COL8A1: variants seen among roughly 807,000 people sequenced by gnomAD.
The protein encoded by COL8A1 is collagen alpha-1(VIII) chain.
A neutral mutation model predicts 42.7 loss-of-function variants in COL8A1; 21 were observed. The ratio of observed to expected loss-of-function variants is 0.49; its 90% CI spans 0.35 to 0.71. The LOEUF is 0.71. Ranked by LOEUF, COL8A1 falls within the 30% of genes least tolerant of loss-of-function variation. The pLI is 0.01. For missense variants in COL8A1, 788 were observed against 962.4 expected, an observed-to-expected ratio of 0.82 and a Z score of 2.40; for synonymous variants, 367 against 369.1, an observed-to-expected ratio of 0.99 and a Z score of 0.06.
intron 1 of COL8A1, among the ~76,000 whole-genome samples, chr3:99,717,314 G>A (rs144499638): frequency 4.8e-4 from 73 of 151,974 alleles, no homozygotes; most frequent in African/African-American, 1.6e-3. Flanking sequence ...AACTAACAAA[G>A]CACCATTTTC....
At chr3:99,768,752 T>C (rs1409549688) in intron 2 of COL8A1, among the ~76,000 whole-genome samples, 1 of 152,144 alleles carries the variant, frequency 6.6e-6, no homozygotes, top group African/African-American at 2.4e-5. Flanking sequence ...CTACCGGAGG[T>C]CTTCCTCCCT....
chr3:99,721,054 G>A (rs1213960327), intron 1 of COL8A1, among the ~76,000 whole-genome samples: 1 of 151,986 alleles, frequency 6.6e-6, no homozygotes, highest in Non-Finnish European at 1.5e-5. Context: ...AGGGCTGATG[G>A]AGAGCATTCT....
Position 99,692,632 on chromosome 3 carries a change from T to C in COL8A1, c.-128-52265T>C, listed in dbSNP as rs148533534. Among the ~76,000 whole-genome samples the C allele has an allele frequency of 2.0e-4, 31 of 152,332 alleles. No homozygotes were observed. The East Asian group carries it at 6.0e-3, about 29-fold the overall frequency. On this transcript the variant is annotated intron_variant, in intron 1 of 3. Transcript: ENST00000652472. ...TGTTCTTCAATTTGCCTCAAGACTA[T>C]TCTAGGTTTTGCCTGGGAAAAAGTC... is the stretch of plus-strand genomic sequence containing the variant.
intron 1 of COL8A1, among the ~76,000 whole-genome samples, chr3:99,666,766 T>C (rs990598101): frequency 6.6e-6 from 1 of 152,208 alleles, no homozygotes; most frequent in Non-Finnish European, 1.5e-5. Context: ...CTCAAAGAAA[T>C]GCTATAGGAA....
At chr3:99,711,898 C>A (rs1403011510) in intron 1 of COL8A1, among the ~76,000 whole-genome samples, 1 of 152,046 alleles carries the variant, frequency 6.6e-6, no homozygotes, top group Non-Finnish European at 1.5e-5. Flanking sequence ...GTCTATCAAA[C>A]CAAGGCTGGT....
In COL8A1 at chr3:99,797,718, GA is replaced by G. The variant is rs1942129443; in HGVS notation, c.*1586del. Reference sequence around the variant, plus strand: ...CTGGGTGTAGGTAGTAAAAGTATAGGAAAAGAACTGTTTCCTTAGAAGCGGA... The same window carrying G: ...CTGGGTGTAGGTAGTAAAAGTATAGGAAAGAACTGTTTCCTTAGAAGCGGA... On this transcript the variant is annotated 3_prime_UTR_variant, in exon 4 of 4. Coordinates refer to ENST00000652472, the MANE Select transcript of COL8A1 (RefSeq NM_020351.4). 6.6e-6 allele frequency: 1 copy of G among 152,204 alleles called. No homozygotes were observed. The highest frequency in any genetic ancestry group is 2.1e-4 in the South Asian group (1 of 4,828). The allele number at this position is 152,204 out of a possible 1,614,324, so 9.4% of individuals were successfully genotyped here. A position where few individuals can be genotyped will look rare whatever the true frequency, so the allele number is the denominator to read the frequency against.
At chr3:99,747,731 T>G (rs1424520056) in intron 2 of COL8A1, among the ~76,000 whole-genome samples, 1 of 152,234 alleles carries the variant, frequency 6.6e-6, no homozygotes, top group Non-Finnish European at 1.5e-5. Flanking sequence ...CTGCAGAACA[T>G]TATGACTGTG....
At chr3:99,706,167 A>G (rs1402843347) in intron 1 of COL8A1, among the ~76,000 whole-genome samples, 1 of 152,110 alleles carries the variant, frequency 6.6e-6, no homozygotes, top group Non-Finnish European at 1.5e-5. Context: ...ACTCCACTAT[A>G]CACCCCACAA....
At position 99,796,954 on chromosome 3, in the gene COL8A1, T is replaced by C. The variant is rs1451520735; in HGVS notation, c.*818T>C. On this transcript the variant is annotated 3_prime_UTR_variant, in exon 4 of 4. Coordinates refer to ENST00000652472, the MANE Select transcript of COL8A1 (RefSeq NM_020351.4). ...AGAGTTTCTATTTGTTTTGATTTTC[T>C]TTTTCTGTGACTTATTTTCCTATTT... The C allele has an allele frequency of 6.6e-6, 1 of 152,206 alleles. No individual in the cohort carries two copies. The highest frequency in any genetic ancestry group is 1.5e-5 in the Non-Finnish European group (1 of 68,034). 9.4% of individuals were successfully genotyped at this position (152,206 alleles called of 1,614,324 possible).
At chr3:99,713,576 C>T (rs73860411) in intron 1 of COL8A1, among the ~76,000 whole-genome samples, 5,129 of 152,168 alleles carry the variant, frequency 0.034, 293 homozygotes, top group African/African-American at 0.11. Flanking sequence ...ATCAGTAAGA[C>T]GTTCAGTGCC....
intron 1 of COL8A1, among the ~76,000 whole-genome samples, chr3:99,697,221 C>T (rs1378653808): frequency 6.6e-6 from 1 of 151,700 alleles, no homozygotes; most frequent in Non-Finnish European, 1.5e-5. Context: ...CTCCTGACCT[C>T]GTGATCCGCC....
chr3:99,785,562 T>C (rs915620133), intron 2 of COL8A1, among the ~76,000 whole-genome samples: 18 of 152,090 alleles, frequency 1.2e-4, no homozygotes, highest in African/African-American at 3.9e-4. Context: ...ATGGGCTGAG[T>C]TGCATCCCCC....
rs572953210 is a variant in COL8A1, at chr3:99,707,929, G to A, written c.-128-36968G>A. Among the ~76,000 whole-genome samples the A allele has an allele frequency of 5.8e-3, 883 of 152,048 alleles. 7 individuals are homozygous for A. The highest frequency in any genetic ancestry group is 9.9e-3 in the Non-Finnish European group (670 of 67,994). ...TTATTATTATTATTTATTTTTTGCA[G>A]AGGCAGGGAGAGGTTAGGTGACCGC... On this transcript the variant is annotated intron_variant, in intron 1 of 3. Coordinates refer to ENST00000652472, the MANE Select transcript of COL8A1 (RefSeq NM_020351.4).
intron 2 of COL8A1, among the ~76,000 whole-genome samples, chr3:99,770,767 A>C (rs1159256100): frequency 1.3e-5 from 2 of 152,234 alleles, no homozygotes; most frequent in Non-Finnish European, 2.9e-5. Context: ...CACTGGGGAA[A>C]CAGCGCGGTG....
At chr3:99,674,142 T>C (rs924213253) in intron 1 of COL8A1, among the ~76,000 whole-genome samples, 61 of 152,066 alleles carry the variant, frequency 4.0e-4, no homozygotes, top group African/African-American at 1.4e-3. Flanking sequence ...TTGAAAATTA[T>C]GAATCCAAAT....
At position 99,796,406 on chromosome 3, in the gene COL8A1, TTA is replaced by T. The variant is rs1314291778; in HGVS notation, c.*272_*273del. ...ACCCACTGGAATCATATTAGCTGTT[TTA>T]TGTTATATGCTTCCACAGTAACCTG... On this transcript the variant is annotated 3_prime_UTR_variant, in exon 4 of 4. Coordinates refer to ENST00000652472, the MANE Select transcript of COL8A1 (RefSeq NM_020351.4). 6.8e-6 allele frequency: 2 copies of T among 295,486 alleles called. No individual in the cohort carries two copies. The highest frequency in any genetic ancestry group is 4.3e-5 in the African/African-American group (2 of 46,820). 18.3% of individuals were successfully genotyped at this position (295,486 alleles called of 1,614,324 possible).
intron 1 of COL8A1, among the ~76,000 whole-genome samples, chr3:99,653,050 A>G (rs183017696): frequency 8.8e-4 from 134 of 152,336 alleles, no homozygotes; most frequent in African/African-American, 2.7e-3. Flanking sequence ...CCTCTGCTCT[A>G]AAATAAACTT....
At chr3:99,707,915 A>G (rs1939727985) in intron 1 of COL8A1, among the ~76,000 whole-genome samples, 1 of 151,868 alleles carries the variant, frequency 6.6e-6, no homozygotes, top group Non-Finnish European at 1.5e-5. Context: ...TATTATTATT[A>G]TTTATTTTTT....
At position 99,688,152 on chromosome 3, in the gene COL8A1, C is replaced by T. The variant is rs556321842; in HGVS notation, c.-129+49488C>T. On this transcript the variant is annotated intron_variant, in intron 1 of 3. Transcript: ENST00000652472. ...TGTTATATGTGGAAACACATATCTG[C>T]TCTCAAATTATGCCAAATGATAATG... Among the ~76,000 whole-genome samples the T allele has an allele frequency of 2.6e-5, 4 of 152,302 alleles. No homozygotes were observed. In the South Asian group the frequency reaches 8.3e-4, roughly 32 times the overall value.
Sources: gnomAD v4.1 joint callset for allele counts (sites outside exome capture counted in the v4.1 genomes callset) on GRCh38, gnomAD v4.1.1 for gene constraint, MANE v1.5 for transcripts, NCBI Gene and HGNC (gene_info 2026-07-23, HGNC 2026-07-21) for gene names.